The following NBEAL1 variants were observed in gnomAD, a reference collection of about 807,000 sequenced individuals.
The protein encoded by NBEAL1 is neurobeachin-like protein 1.
In NBEAL1, 273 loss-of-function variants were observed where a neutral mutation model predicts 351.3. The ratio of observed to expected loss-of-function variants is 0.78; its 90% CI spans 0.70 to 0.86. NBEAL1 has a LOEUF of 0.86. Ranked by LOEUF, NBEAL1 falls within the 40% of genes least tolerant of loss-of-function variation. NBEAL1 has a pLI of 0.00. For synonymous variants in NBEAL1, 1,050 were observed against 1,086.4 expected (o/e 0.97, Z 0.66); for missense variants, 2,961 against 3,201.3 (o/e 0.92, Z 1.81).
At chr2:203,186,310 G>A (rs1260143608) in intron 44 of NBEAL1, among the ~76,000 whole-genome samples, 2 of 152,222 alleles carry the variant, frequency 1.3e-5, no homozygotes, top group Non-Finnish European at 2.9e-5. Context: ...CTACTCAGAT[G>A]TGGCTCCTCT....
chr2:203,175,034 TGAA>T (rs2064455890), intron 41 of NBEAL1, 110 bp from the exon 42 acceptor site: 8 of 913,448 alleles, frequency 8.8e-6, no homozygotes, highest in African/African-American at 5.0e-5. Flanking sequence ...ATGAGGCATA[TGAA>T]GAAGGATGGA....
chr2:203,090,415 T>C (rs746423747), intron 10 of NBEAL1, among the ~76,000 whole-genome samples: 1 of 152,196 alleles, frequency 6.6e-6, no homozygotes, highest in Non-Finnish European at 1.5e-5. Flanking sequence ...TACCCATTGA[T>C]TAGCTCCCAC....
chr2:203,042,939 C>G (rs2061167879), intron 3 of NBEAL1, among the ~76,000 whole-genome samples: 1 of 152,122 alleles, frequency 6.6e-6, no homozygotes, highest in Non-Finnish European at 1.5e-5. Flanking sequence ...AAGGGCTTAC[C>G]TTGAGTCACT....
At chr2:203,192,574 C>T (rs1321850567) in intron 46 of NBEAL1, among the ~76,000 whole-genome samples, 4 of 151,684 alleles carry the variant, frequency 2.6e-5, no homozygotes, top group Middle Eastern at 3.2e-3. Flanking sequence ...TTAGTAGAGA[C>T]GGGGTTTTGC....
intron 18 of NBEAL1, among the ~76,000 whole-genome samples, chr2:203,119,424 C>CTTTTTTT (rs57126638): frequency 0.025 from 1,666 of 66,624 alleles, 285 homozygotes; most frequent in Non-Finnish European, 0.03. Context: ...CGGCCTGTTG[C>CTTTTTTT]TTTTTTTTTT....
chr2:203,137,648 A>G (rs1426359020), intron 29 of NBEAL1, among the ~76,000 whole-genome samples: 1 of 152,216 alleles, frequency 6.6e-6, no homozygotes, highest in Non-Finnish European at 1.5e-5. Context: ...TATATTAAAG[A>G]TAAATACTCC....
chr2:203,167,234 C>G lies in NBEAL1; in HGVS notation c.5871C>G (p.Gly1957=). ...DGSIEKEDGV[G]FDFKWPHSQI... ...GATTTCTTCCGTTTTCAGGAGTAGG[C>G]TTTGATTTCAAGTGGCCTCATTCTC... Residue 1957 remains glycine, a synonymous_variant, in exon 38 of 56, where the codon GGC becomes GGG. Coordinates refer to ENST00000683969, the MANE Select transcript of NBEAL1 (RefSeq NM_001378026.1). 1 of 1,609,864 alleles carries G rather than the reference C, an allele frequency of 6.2e-7. No homozygotes were observed. The highest frequency in any genetic ancestry group is 8.5e-7 in the Non-Finnish European group (1 of 1,178,542).
chr2:203,093,099 G>A (rs2062098747), intron 10 of NBEAL1, among the ~76,000 whole-genome samples: 1 of 151,850 alleles, frequency 6.6e-6, no homozygotes, highest in South Asian at 2.1e-4. Flanking sequence ...AGCCGTGGTG[G>A]TACATGCCTG....
intron 49 of NBEAL1, 95 bp downstream of exon 49, chr2:203,199,542 A>ATT: frequency 3.2e-6 from 2 of 623,916 alleles, no homozygotes; most frequent in Non-Finnish European, 2.7e-6. Flanking sequence ...TCTGAAAGAA[A>ATT]TATTTTTTTT....
Position 203,108,168 on chromosome 2 carries a change from G to C in NBEAL1, c.1929G>C (p.Gly643=), listed in dbSNP as rs2062478482. ...QLTLGIANKG[G]KRKQLYSFFT... is the part of the protein sequence containing the mutation. ...CTCTTGGCATTGCTAACAAAGGAGG[G>C]AAAAGGAAACAATTGTACAGGTATT... is the stretch of plus-strand genomic sequence containing the variant. Residue 643 remains glycine, a synonymous_variant, in exon 14 of 56, where the codon GGG becomes GGC. Transcript: ENST00000683969. 9.0e-6 allele frequency: 14 copies of C among 1,550,028 alleles called. No individual in the cohort carries two copies. The highest frequency in any genetic ancestry group is 1.2e-5 in the Non-Finnish European group (14 of 1,145,812).
chr2:203,136,394 T>G (rs2063209495), intron 28 of NBEAL1, 142 bp downstream of exon 28: 3 of 805,164 alleles, frequency 3.7e-6, no homozygotes, highest in Admixed American at 3.2e-5. Flanking sequence ...TTTAGAAACC[T>G]GGAAGTCACT....
At chr2:203,096,449 A>G (rs1205687652) in intron 10 of NBEAL1, among the ~76,000 whole-genome samples, 1 of 152,200 alleles carries the variant, frequency 6.6e-6, no homozygotes, top group African/African-American at 2.4e-5. Context: ...CATGCTCTTA[A>G]TAAATTCCTT....
intron 35 of NBEAL1, among the ~76,000 whole-genome samples, chr2:203,153,928 G>GT (rs542186085): frequency 5.7e-4 from 86 of 150,068 alleles, no homozygotes; most frequent in South Asian, 5.5e-3. Flanking sequence ...TGTTCTTTTT[G>GT]TTTTTTTTTC....
At chr2:203,141,544 G>A (rs1228270313) in intron 31 of NBEAL1, among the ~76,000 whole-genome samples, 2 of 150,674 alleles carry the variant, frequency 1.3e-5, no homozygotes, top group East Asian at 1.9e-4. Flanking sequence ...CACCACACAT[G>A]GCTAATTTTT....
At chr2:203,066,264 G>A (rs181267637) in intron 6 of NBEAL1, among the ~76,000 whole-genome samples, 1 of 151,454 alleles carries the variant, frequency 6.6e-6, no homozygotes, top group Admixed American at 6.6e-5. Flanking sequence ...TTTAATGAAT[G>A]CACAAACTGG....
intron 35 of NBEAL1, among the ~76,000 whole-genome samples, chr2:203,151,818 T>C (rs2063661489): frequency 6.6e-6 from 1 of 152,206 alleles, no homozygotes. Flanking sequence ...AAAATTTTAA[T>C]TATAAAAGTA....
intron 7 of NBEAL1, among the ~76,000 whole-genome samples, chr2:203,076,950 A>G (rs2061785977): frequency 6.6e-6 from 1 of 152,118 alleles, no homozygotes; most frequent in South Asian, 2.1e-4. Flanking sequence ...ACCATCACTA[A>G]TCAACTAGAA....
chr2:203,059,732 G>C (rs151160572), intron 6 of NBEAL1, among the ~76,000 whole-genome samples: 2 of 152,314 alleles, frequency 1.3e-5, no homozygotes, highest in Non-Finnish European at 2.9e-5. Flanking sequence ...AAGATACAAA[G>C]AGGGAGCCGG....
chr2:203,158,290 A>G (rs1048813910), intron 36 of NBEAL1, among the ~76,000 whole-genome samples: 3 of 152,342 alleles, frequency 2.0e-5, no homozygotes, highest in Non-Finnish European at 4.4e-5. Flanking sequence ...AAAGAAAGAC[A>G]ACATAATTTG....
Sources: allele counts gnomAD v4.1 joint callset (sites outside exome capture counted in the v4.1 genomes callset), GRCh38; gene constraint gnomAD v4.1.1; transcripts MANE v1.5; gene names NCBI Gene and HGNC (gene_info 2026-07-23, HGNC 2026-07-21).